Variants in VSTM2B observed in about 807,000 individuals in gnomAD.
The protein encoded by VSTM2B is V-set and transmembrane domain-containing protein 2B.
A neutral mutation model predicts 24.0 loss-of-function variants in VSTM2B; 24 were observed. The observed-to-expected ratio is 1.00, with a 90% CI of 0.72 to 1.40. VSTM2B has a LOEUF of 1.40. VSTM2B is among the 40% of genes most tolerant of loss of function. The pLI, the probability that VSTM2B is intolerant of heterozygous loss-of-function variation, is 0.00. For synonymous variants in VSTM2B, 226 were observed against 194.4 expected (o/e 1.16, Z -1.35); for missense variants, 399 against 416.4 (o/e 0.96, Z 0.36).
chr19:29,557,579 A>G (rs904421834), intron 4 of VSTM2B, among the ~76,000 whole-genome samples: 3 of 152,076 alleles, frequency 2.0e-5, no homozygotes, highest in Non-Finnish European at 4.4e-5. Context: ...GATGCCTGTA[A>G]TCCCAGCTAC....
In VSTM2B at chr19:29,526,659, G is replaced by T. The variant is rs1164219587; in HGVS notation, c.76G>T (p.Ala26Ser). Residue 26 changes from alanine (A) to serine (S), a missense_variant, in exon 1 of 5, where the codon GCC becomes TCC. Transcript: ENST00000335523. This position sits in a 1 kb window ranked among gnomAD's most constrained non-coding sequence, Gnocchi z 4.1. ...GCTGCATGCCCTGCTGCTCTTCGTG[G>T]CCGACGGTGAGCGCGGGAACTTTGC... ...LLLHALLLFV[A>S]DAAFTEVPKD... The T allele has an allele frequency of 2.0e-6, 3 of 1,528,478 alleles. No homozygotes were observed. The Admixed American group carries it at 6.0e-5, about 30-fold the overall frequency. The allele number at this position is 1,528,478 out of a possible 1,614,324, so 94.7% of individuals were successfully genotyped here.
chr19:29,555,530 G>A (rs560252793), intron 4 of VSTM2B, among the ~76,000 whole-genome samples: 40 of 152,072 alleles, frequency 2.6e-4, no homozygotes, highest in Admixed American at 1.0e-3. Flanking sequence ...TCCAAAGCTA[G>A]TAAAAGAAAA....
At chr19:29,557,477 C>T (rs1435850312) in intron 4 of VSTM2B, among the ~76,000 whole-genome samples, 1 of 152,142 alleles carries the variant, frequency 6.6e-6, no homozygotes, top group East Asian at 1.9e-4. Flanking sequence ...GTGGGTGGAT[C>T]ACCTGAGGTC....
intron 4 of VSTM2B, among the ~76,000 whole-genome samples, chr19:29,551,815 T>A (rs1176525383): frequency 6.6e-6 from 1 of 152,032 alleles, no homozygotes. Flanking sequence ...ACCATTAGCA[T>A]CCAGTCAATG....
intron 4 of VSTM2B, among the ~76,000 whole-genome samples, chr19:29,560,165 G>A (rs568311936): frequency 5.9e-5 from 9 of 152,080 alleles, no homozygotes; most frequent in Non-Finnish European, 8.8e-5. Flanking sequence ...CTTCACACCC[G>A]ATAATGTTCC....
chr19:29,547,708 C>T (rs1371230053), intron 4 of VSTM2B, among the ~76,000 whole-genome samples: 2 of 152,176 alleles, frequency 1.3e-5, no homozygotes, highest in African/African-American at 4.8e-5. Flanking sequence ...GGCACCTAAA[C>T]AAACAGCACA....
chr19:29,558,105 A>T (rs1358694199), intron 4 of VSTM2B, among the ~76,000 whole-genome samples: 1 of 152,206 alleles, frequency 6.6e-6, no homozygotes, highest in Non-Finnish European at 1.5e-5. Context: ...ATGTATATAT[A>T]TATAAAGCTC....
intron 4 of VSTM2B, among the ~76,000 whole-genome samples, chr19:29,562,360 T>C (rs1025080095): frequency 6.6e-5 from 10 of 152,300 alleles, no homozygotes; most frequent in East Asian, 5.8e-4. Flanking sequence ...AGGCCCAGCC[T>C]TGTCAGGGAA....
chr19:29,539,333 G>A (rs1321273753), intron 4 of VSTM2B, among the ~76,000 whole-genome samples: 1 of 152,178 alleles, frequency 6.6e-6, no homozygotes, highest in East Asian at 1.9e-4. Flanking sequence ...TGAGGGGGTA[G>A]GGCCTTTCGG....
intron 4 of VSTM2B, among the ~76,000 whole-genome samples, chr19:29,531,732 G>A (rs1969764496): frequency 6.6e-6 from 1 of 152,226 alleles, no homozygotes; most frequent in Non-Finnish European, 1.5e-5. Context: ...AGCCCAGCTG[G>A]GAACTTTCCA....
At chr19:29,534,504 C>T (rs369467511) in intron 4 of VSTM2B, among the ~76,000 whole-genome samples, 20 of 152,186 alleles carry the variant, frequency 1.3e-4, no homozygotes, top group African/African-American at 3.6e-4. Flanking sequence ...CACCTGAGGA[C>T]GGAAGTTTGA....
intron 4 of VSTM2B, among the ~76,000 whole-genome samples, chr19:29,540,263 C>T (rs1029872533): frequency 2.6e-5 from 4 of 152,324 alleles, no homozygotes; most frequent in Admixed American, 2.6e-4. Flanking sequence ...CAGACCTAGC[C>T]CCTGCCCCAG....
chr19:29,556,288 T>C (rs57613050), intron 4 of VSTM2B, among the ~76,000 whole-genome samples: 12,598 of 152,144 alleles, frequency 0.083, 618 homozygotes, highest in East Asian at 0.18. Flanking sequence ...CAAAACCACA[T>C]GATTATCTCA....
In VSTM2B at chr19:29,530,176, G is replaced by A. The variant is rs143008092; in HGVS notation, c.655G>A (p.Ala219Thr). ...CATCGATCCCGCAGTCCCCGAGGCC[G>A]CGGCAGCCTCGGCGGCCCACACGCC... ...AAIDPAVPEA[A>T]AASAAHTPTT... The change falls in exon 4 of 5, where the codon GCG becomes ACG. Residue 219 changes from alanine to threonine, a missense_variant. Transcript: ENST00000335523. The A allele has an allele frequency of 0.014, 20,958 of 1,488,518 alleles. 184 individuals are homozygous for A. Among genetic ancestry groups the A allele is most frequent in the Middle Eastern group, 0.016 (85 of 5,256 alleles). The allele number at this position is 1,488,518 out of a possible 1,614,324, so 92.2% of individuals were successfully genotyped here.
chr19:29,530,338 T>C (rs1278900259), intron 4 of VSTM2B, 48 bp downstream of exon 4: 32 of 1,435,216 alleles, frequency 2.2e-5, no homozygotes, highest in Non-Finnish European at 2.8e-5. Flanking sequence ...GGCGCAGGGC[T>C]AGGGCTGCGC....
chr19:29,563,903 A>C lies in VSTM2B; in HGVS notation c.827A>C (p.His276Pro), dbSNP rs928262122. ...PLLSLLLLALHKFLRLLLGH is the reference protein window; with the variant it reads ...PLLSLLLLALPKFLRLLLGH ...TTGTCCCTGCTCCTGTTAGCTCTGC[A>C]TAAGTTCCTGCGCCTGCTCTTGGGA... The change falls in exon 5 of 5, where the codon CAT becomes CCT. Residue 276 changes from histidine (H) to proline (P), a missense_variant. By Grantham distance (77) the His-to-Pro change is moderately conservative (BLOSUM62 -2). Transcript: ENST00000335523. 6.4e-7 allele frequency: 1 copy of C among 1,552,288 alleles called. No individual in the cohort carries two copies. Among genetic ancestry groups the C allele is most frequent in the Non-Finnish European group, 8.7e-7 (1 of 1,147,150 alleles).
chr19:29,528,596 A>G, intron 3 of VSTM2B, 134 bp downstream of exon 3: 1 of 1,141,188 alleles, frequency 8.8e-7, no homozygotes, highest in Non-Finnish European at 1.3e-6. Context: ...GCAGCCTTGC[A>G]TCGGTGGCTG....
At chr19:29,528,826 G>T (rs1747096416) in intron 3 of VSTM2B, 1 of 868,352 alleles carries the variant, frequency 1.2e-6, no homozygotes. Context: ...CCCTCGCCGC[G>T]ACCGTGGCGC....
At chr19:29,548,090 G>C (rs1970191666) in intron 4 of VSTM2B, among the ~76,000 whole-genome samples, 1 of 152,088 alleles carries the variant, frequency 6.6e-6, no homozygotes, top group Admixed American at 6.5e-5. Flanking sequence ...CCTGAACTGG[G>C]GCTGCAGCAG....
Sources: gnomAD v4.1 joint callset for allele counts (sites outside exome capture counted in the v4.1 genomes callset) on GRCh38, gnomAD v4.1.1 for gene constraint, Gnocchi (gnomAD v3.1) non-coding constraint, MANE v1.5 for transcripts, NCBI Gene and HGNC (gene_info 2026-07-23, HGNC 2026-07-21) for gene names.